The following TSPAN32 variants were observed in gnomAD, a reference collection of about 807,000 sequenced individuals.
TSPAN32 encodes tetraspanin 32, also known as tetraspanin-32.
Under a neutral mutation model 42.7 loss-of-function variants are expected in TSPAN32, and 47 were observed. The ratio of observed to expected loss-of-function variants is 1.10; its 90% CI spans 0.87 to 1.40. The LOEUF is 1.40. TSPAN32 is among the 40% of genes most tolerant of loss of function. The pLI, the probability that TSPAN32 is intolerant of heterozygous loss-of-function variation, is 0.00. For missense variants in TSPAN32, 469 were observed against 424.1 expected (o/e 1.11, Z -0.93); for synonymous variants, 175 against 175.9 (o/e 0.99, Z 0.04).
At chr11:2,315,299 G>A in intron 6 of TSPAN32, 2 of 1,180,620 alleles carry the variant, frequency 1.7e-6, no homozygotes, top group Non-Finnish European at 2.1e-6. Flanking sequence ...GCAAATGGCT[G>A]GAGGCCTGGT....
At chr11:2,309,388 G>T (rs1178651123) in intron 4 of TSPAN32, 1 of 468,496 alleles carries the variant, frequency 2.1e-6, no homozygotes, top group Non-Finnish European at 4.4e-6. Flanking sequence ...CCGTGGGCAG[G>T]GGCCAAGGGC....
At chr11:2,303,479 G>A (rs1251190917) in intron 2 of TSPAN32, 1 of 179,556 alleles carries the variant, frequency 5.6e-6, no homozygotes, top group Non-Finnish European at 1.2e-5. Flanking sequence ...GGGCCACTCA[G>A]GGGTAAGGCT....
chr11:2,315,544 C>T, intron 6 of TSPAN32: 1 of 1,167,170 alleles, frequency 8.6e-7, no homozygotes, highest in Non-Finnish European at 1.1e-6. Flanking sequence ...CCGGAAGAGC[C>T]AGCACAGGCG....
intron 6 of TSPAN32, chr11:2,315,477 C>T: frequency 2.6e-6 from 3 of 1,142,434 alleles, no homozygotes; most frequent in Non-Finnish European, 3.3e-6. Flanking sequence ...GAGGGCCTGC[C>T]TCGAGCACCC....
At position 2,308,690 on chromosome 11, in the gene TSPAN32, C is replaced by T. The variant is rs778862755; in HGVS notation, c.280-46C>T. 26 of 1,001,650 alleles carry T rather than the reference C, an allele frequency of 2.6e-5. No individual in the cohort carries two copies. In the African/African-American group the frequency reaches 2.7e-4, roughly 10 times the overall value. 62.0% of individuals were successfully genotyped at this position (1,001,650 alleles called of 1,614,324 possible). A position where few individuals can be genotyped will look rare whatever the true frequency, so the allele number is the denominator to read the frequency against. On this transcript the variant is annotated intron_variant, in intron 3 of 9. Transcript: ENST00000182290. Reference sequence around the variant, plus strand: ...CCCCCCCCAGCAGCGACCAGCCCCCCGCAGTGACCAGCCCTCAACAGTGAC... The same window carrying T: ...CCCCCCCCAGCAGCGACCAGCCCCCTGCAGTGACCAGCCCTCAACAGTGAC...
intron 3 of TSPAN32, among the ~76,000 whole-genome samples, chr11:2,307,463 C>T (rs2237860): frequency 0.89 from 135,515 of 151,968 alleles, 61,276 homozygotes; most frequent in Non-Finnish European, 0.93. Flanking sequence ...GGGAGCTGCC[C>T]GGTCGGTGGC....
In TSPAN32 at chr11:2,317,648, A is replaced by G; in HGVS notation, c.901+123A>G. On this transcript the variant is annotated intron_variant, in intron 9 of 9. Coordinates refer to ENST00000182290, the MANE Select transcript of TSPAN32 (RefSeq NM_139022.3). The surrounding 1 kb of genome is among the most constrained non-coding windows in gnomAD (Gnocchi z 6.2). ...CTCCATTGGGAACAGATGCAAGGGTAAGGGGTAGCTCACCAAATCCCTCCA... is the reference window on the plus strand; with the variant it reads ...CTCCATTGGGAACAGATGCAAGGGTGAGGGGTAGCTCACCAAATCCCTCCA... 1 of 1,481,262 alleles carries G rather than the reference A, an allele frequency of 6.8e-7. No homozygotes were observed. Among genetic ancestry groups the G allele is most frequent in the Non-Finnish European group, 8.9e-7 (1 of 1,122,566 alleles). The allele number at this position is 1,481,262 out of a possible 1,614,324, so 91.8% of individuals were successfully genotyped here. A position where few individuals can be genotyped will look rare whatever the true frequency, so the allele number is the denominator to read the frequency against.
At chr11:2,315,986 C>T in intron 6 of TSPAN32, 2 of 1,532,554 alleles carry the variant, frequency 1.3e-6, no homozygotes, top group Non-Finnish European at 1.7e-6. Flanking sequence ...GGAGACGGCA[C>T]CGGCCGGGCC....
At position 2,317,830 on chromosome 11, in the gene TSPAN32, G is replaced by A. The variant is rs1564970591; in HGVS notation, c.902-33G>A. 1.9e-6 allele frequency: 3 copies of A among 1,606,254 alleles called. No homozygotes were observed. Among genetic ancestry groups the A allele is most frequent in the South Asian group, 1.1e-5 (1 of 90,758 alleles). ...GCGTAAGAAGCAGCATGGATGTAAG[G>A]ACTGCAAGCAGTGCCCATTTATGAT... is the stretch of plus-strand genomic sequence containing the variant. On this transcript the variant is annotated intron_variant, in intron 9 of 9. Coordinates refer to ENST00000182290, the MANE Select transcript of TSPAN32 (RefSeq NM_139022.3). The surrounding 1 kb of genome is among the most constrained non-coding windows in gnomAD (Gnocchi z 6.2).
chr11:2,305,271 G>C (rs374227763), intron 3 of TSPAN32, among the ~76,000 whole-genome samples: 1 of 152,184 alleles, frequency 6.6e-6, no homozygotes. Flanking sequence ...TTCCTGCTCC[G>C]GGGCACACGA....
Position 2,304,214 on chromosome 11 carries a change from T to C in TSPAN32, c.279+10T>C, listed in dbSNP as rs751740370. 4.5e-6 allele frequency: 7 copies of C among 1,542,752 alleles called. No homozygotes were observed. The South Asian group carries it at 4.8e-5, about 11-fold the overall frequency. ...GGGCCTCATGGCAGGGGTGAGTTCA[T>C]TGTGTTCCCAGATGCCCAGGCCCCC... On this transcript the variant is annotated intron_variant, in intron 3 of 9. Transcript: ENST00000182290. This position sits in a 1 kb window ranked among gnomAD's most constrained non-coding sequence, Gnocchi z 4.8.
In TSPAN32 at chr11:2,317,082, C is replaced by T. The variant is rs1363245776; in HGVS notation, c.720-262C>T. Among the ~76,000 whole-genome samples the T allele has an allele frequency of 2.0e-5, 3 of 152,140 alleles. No individual in the cohort carries two copies. Among genetic ancestry groups the T allele is most frequent in the African/African-American group, 4.8e-5 (2 of 41,410 alleles). ...GCCTGGCCCGTCTCTGCCTGCCATG[C>T]CCATTAACCCACCCACTTGCTCTTC... is the stretch of plus-strand genomic sequence containing the variant. On this transcript the variant is annotated intron_variant, in intron 8 of 9. Coordinates refer to ENST00000182290, the MANE Select transcript of TSPAN32 (RefSeq NM_139022.3). The surrounding 1 kb of genome is among the most constrained non-coding windows in gnomAD (Gnocchi z 6.2).
At position 2,317,211 on chromosome 11, in the gene TSPAN32, C is replaced by A. The variant is rs1270078804; in HGVS notation, c.720-133C>A. On this transcript the variant is annotated intron_variant, in intron 8 of 9. Transcript: ENST00000182290. The surrounding 1 kb of genome is among the most constrained non-coding windows in gnomAD (Gnocchi z 6.2). ...AGCCTCACAGTCCCCCTAGAACATT[C>A]CACAGCAGCTCCATAATCCCCTCCA... 1.6e-5 allele frequency: 11 copies of A among 709,014 alleles called. No homozygotes were observed. The highest frequency in any genetic ancestry group is 2.4e-5 in the Non-Finnish European group (10 of 421,956). 43.9% of individuals were successfully genotyped at this position (709,014 alleles called of 1,614,324 possible).
In TSPAN32 at chr11:2,316,567, C is replaced by G. The variant is rs1446032215; in HGVS notation, c.628-9C>G. On this transcript the variant is annotated splice_polypyrimidine_tract_variant and intron_variant, in intron 7 of 9. Coordinates refer to ENST00000182290, the MANE Select transcript of TSPAN32 (RefSeq NM_139022.3). ...GGCAGTGGGGCAGCCGCGGGTGTCT[C>G]CCTCCCAGGTGTCCGCCTTGCTCTT... 1 of 1,597,346 alleles carries G rather than the reference C, an allele frequency of 6.3e-7. No individual in the cohort carries two copies. Among genetic ancestry groups the G allele is most frequent in the African/African-American group, 1.3e-5 (1 of 74,676 alleles).
Position 2,313,817 on chromosome 11 carries a change from A to G in TSPAN32, c.456+62A>G. The G allele has an allele frequency of 7.4e-7, 1 of 1,350,764 alleles. No individual in the cohort carries two copies. The highest frequency in any genetic ancestry group is 2.0e-4 in the Middle Eastern group (1 of 5,036). The allele number at this position is 1,350,764 out of a possible 1,614,324, so 83.7% of individuals were successfully genotyped here. A position where few individuals can be genotyped will look rare whatever the true frequency, so the allele number is the denominator to read the frequency against. ...CTTCTGCTTGGACTGCAGTTCAGAGAACAGGCGCAGGGTGGCCAGTGAGAG... is the reference window on the plus strand; with the variant it reads ...CTTCTGCTTGGACTGCAGTTCAGAGGACAGGCGCAGGGTGGCCAGTGAGAG... On this transcript the variant is annotated intron_variant, in intron 5 of 9. Transcript: ENST00000182290. This position sits in a 1 kb window ranked among gnomAD's most constrained non-coding sequence, Gnocchi z 9.1.
chr11:2,309,419 A>C (rs1318466508), intron 4 of TSPAN32: 1 of 460,354 alleles, frequency 2.2e-6, no homozygotes, highest in Non-Finnish European at 4.5e-6. Flanking sequence ...AAAGGCCAGC[A>C]GCTTGGAGAG....
intron 4 of TSPAN32, chr11:2,309,600 G>A (rs952195086): frequency 2.7e-5 from 8 of 295,394 alleles, no homozygotes; most frequent in Non-Finnish European, 4.2e-5. Flanking sequence ...GGTCACAAGA[G>A]GTGATTTCTT....
At chr11:2,315,045 G>T (rs1589817160) in intron 6 of TSPAN32, 1 of 54,702 alleles carries the variant, frequency 1.8e-5, no homozygotes, top group South Asian at 1.2e-4. Flanking sequence ...GTAGGCCAGG[G>T]TGTGGCCAGG....
intron 6 of TSPAN32, 77 bp from the exon 7 acceptor site, chr11:2,316,152 C>T: frequency 6.6e-7 from 1 of 1,515,452 alleles, no homozygotes; most frequent in Non-Finnish European, 8.8e-7. Flanking sequence ...GCTGCAGCTC[C>T]ATGGCCCCAC....
Sources: gnomAD v4.1 joint callset for allele counts (sites outside exome capture counted in the v4.1 genomes callset) on GRCh38, gnomAD v4.1.1 for gene constraint, Gnocchi (gnomAD v3.1) non-coding constraint, MANE v1.5 for transcripts, NCBI Gene and HGNC (gene_info 2026-07-23, HGNC 2026-07-21) for gene names.